The following DPP10 variants were observed in gnomAD, a reference collection of about 807,000 sequenced individuals.
DPP10 encodes inactive dipeptidyl peptidase 10.
Under a neutral mutation model 120.9 loss-of-function variants are expected in DPP10, and 33 were observed. The observed-to-expected ratio is 0.27, with a 90% CI of 0.21 to 0.37. The LOEUF is 0.37. DPP10 is among the 10% of genes least tolerant of loss of function. The pLI, the probability that DPP10 is intolerant of heterozygous loss-of-function variation, is 1.00. For missense variants in DPP10, 816 were observed against 942.8 expected (o/e 0.87, Z 1.76); for synonymous variants, 337 against 326.1 (o/e 1.03, Z -0.36).
chr2:115,770,763 CTT>C (rs1447457322), intron 13 of DPP10, among the ~76,000 whole-genome samples: 1 of 152,094 alleles, frequency 6.6e-6, no homozygotes, highest in Non-Finnish European at 1.5e-5. Context: ...AAAATTCAAA[CTT>C]AATAAACTGA....
At chr2:115,571,660 T>G (rs1406778388) in intron 5 of DPP10, among the ~76,000 whole-genome samples, 2 of 151,976 alleles carry the variant, frequency 1.3e-5, no homozygotes, top group East Asian at 3.9e-4. Flanking sequence ...TAAGTTCTCC[T>G]TTGTTCCAAA....
intron 1 of DPP10, among the ~76,000 whole-genome samples, chr2:114,827,290 A>G (rs188342531): frequency 1.1e-3 from 169 of 152,314 alleles, no homozygotes; most frequent in Non-Finnish European, 1.9e-3. Context: ...ACCATAATCA[A>G]TGCTGGGCAG....
intron 7 of DPP10, among the ~76,000 whole-genome samples, chr2:115,699,029 AAAAAAAC>A (rs369427650): frequency 0.035 from 1,167 of 33,428 alleles, 27 homozygotes; most frequent in South Asian, 0.11. Context: ...ACTGAAAAAA[AAAAAAAC>A]AAAAAAAAAA....
intron 2 of DPP10, among the ~76,000 whole-genome samples, chr2:115,336,003 T>C (rs2063106911): frequency 6.6e-6 from 1 of 152,100 alleles, no homozygotes. Context: ...TTATTTTGAA[T>C]AGGATTTAAA....
chr2:115,317,357 G>T (rs1003197047), intron 2 of DPP10, among the ~76,000 whole-genome samples: 1 of 152,122 alleles, frequency 6.6e-6, no homozygotes, highest in East Asian at 1.9e-4. Flanking sequence ...CAAGTCACTT[G>T]TAACAGTGCT....
chr2:115,753,462 C>G (rs1291815508), intron 11 of DPP10, among the ~76,000 whole-genome samples, 165 bp downstream of exon 11: 2 of 152,024 alleles, frequency 1.3e-5, no homozygotes, highest in East Asian at 3.8e-4. Flanking sequence ...ATTTATAAAG[C>G]TTCCAAACTT....
chr2:115,673,209 T>C (rs2090040732), intron 5 of DPP10, among the ~76,000 whole-genome samples: 1 of 152,322 alleles, frequency 6.6e-6, no homozygotes, highest in Admixed American at 6.5e-5. Context: ...ATTGATATCC[T>C]TTGTTATACT....
At chr2:115,341,048 T>C (rs1488180890) in intron 2 of DPP10, among the ~76,000 whole-genome samples, 2 of 152,070 alleles carry the variant, frequency 1.3e-5, no homozygotes, top group East Asian at 3.9e-4. Context: ...CCTCATAGAA[T>C]AAATATATTT....
chr2:115,078,221 T>C (rs906543213), intron 1 of DPP10, among the ~76,000 whole-genome samples: 1 of 152,218 alleles, frequency 6.6e-6, no homozygotes, highest in Non-Finnish European at 1.5e-5. Flanking sequence ...TAAGAAAATA[T>C]ATGTGACATT....
intron 1 of DPP10, among the ~76,000 whole-genome samples, chr2:115,038,885 A>G (rs765614097): frequency 5.9e-5 from 9 of 152,184 alleles, no homozygotes; most frequent in African/African-American, 1.9e-4. Flanking sequence ...TTTAACCTCT[A>G]TGCTATCCTA....
intron 1 of DPP10, among the ~76,000 whole-genome samples, chr2:115,202,683 C>A (rs1306461447): frequency 6.6e-6 from 1 of 152,186 alleles, no homozygotes; most frequent in Non-Finnish European, 1.5e-5. Flanking sequence ...TGTCCAATAG[C>A]ACTTTCTGTG....
intron 1 of DPP10, among the ~76,000 whole-genome samples, chr2:115,139,724 TAAAAAAAAAA>T (rs55826687): frequency 2.8e-3 from 160 of 56,648 alleles, no homozygotes; most frequent in African/African-American, 0.011. Flanking sequence ...GTAAAAATAC[TAAAAAAAAAA>T]AAAAAAAAAA....
chr2:115,032,928 C>A (rs1351189966), intron 1 of DPP10, among the ~76,000 whole-genome samples: 5 of 151,242 alleles, frequency 3.3e-5, no homozygotes, highest in South Asian at 4.2e-4. Context: ...AATATAGGTT[C>A]ATTGTTAGGT....
chr2:115,390,331 A>T (rs114188864), intron 3 of DPP10, among the ~76,000 whole-genome samples: 1 of 152,336 alleles, frequency 6.6e-6, no homozygotes, highest in African/African-American at 2.4e-5. Context: ...ATTTTTAGTC[A>T]ATAATAATTA....
intron 1 of DPP10, among the ~76,000 whole-genome samples, chr2:115,286,772 C>A (rs2060423499): frequency 1.3e-5 from 2 of 150,780 alleles, no homozygotes; most frequent in East Asian, 2.0e-4. Flanking sequence ...GTCTGGACTC[C>A]CCATTAAAAA....
intron 1 of DPP10, among the ~76,000 whole-genome samples, chr2:114,604,732 G>T (rs1190806041): frequency 6.6e-6 from 1 of 152,092 alleles, no homozygotes; most frequent in Non-Finnish European, 1.5e-5. Flanking sequence ...ACTGGTTTCT[G>T]TCTATTTGGG....
intron 1 of DPP10, among the ~76,000 whole-genome samples, chr2:114,584,501 C>T (rs1045930042): frequency 2.0e-5 from 3 of 150,164 alleles, no homozygotes; most frequent in African/African-American, 7.3e-5. Flanking sequence ...CCCATTAACT[C>T]GTCATTTAGC....
intron 1 of DPP10, among the ~76,000 whole-genome samples, chr2:114,446,567 C>T (rs1164244946): frequency 6.6e-6 from 1 of 152,122 alleles, no homozygotes; most frequent in East Asian, 1.9e-4. Flanking sequence ...TTAATACTGC[C>T]TTCACACCCA....
chr2:115,709,606 T>A (rs562695139), intron 7 of DPP10, among the ~76,000 whole-genome samples: 1 of 110,366 alleles, frequency 9.1e-6, no homozygotes, highest in Non-Finnish European at 1.9e-5. Flanking sequence ...CTTGTAGAAT[T>A]TCGAAACAGT....
Sources: gnomAD v4.1 joint callset for allele counts (sites outside exome capture counted in the v4.1 genomes callset) on GRCh38, gnomAD v4.1.1 for gene constraint, MANE v1.5 for transcripts, NCBI Gene and HGNC (gene_info 2026-07-23, HGNC 2026-07-21) for gene names.